Variants in ACSBG1 observed in about 807,000 individuals in gnomAD.
ACSBG1 encodes acyl-CoA synthetase bubblegum family member 1.
Under a neutral mutation model 80.2 loss-of-function variants are expected in ACSBG1, and 39 were observed. That is an observed-to-expected ratio of 0.49 (90% CI 0.38 to 0.64). The LOEUF is 0.64. Ranked by LOEUF, ACSBG1 falls within the 30% of genes least tolerant of loss-of-function variation. The probability of loss-of-function intolerance (pLI) is 0.00; values close to 1 mark genes in which losing one functional copy is unlikely to be tolerated. For missense variants in ACSBG1, 828 were observed against 966.4 expected, an observed-to-expected ratio of 0.86 and a Z score of 1.90; for synonymous variants, 392 against 379.5, an observed-to-expected ratio of 1.03 and a Z score of -0.38.
chr15:78,179,515 T>A (rs769902025), intron 10 of ACSBG1, 35 bp downstream of exon 10: 3 of 1,579,568 alleles, frequency 1.9e-6, no homozygotes, highest in African/African-American at 1.4e-5. Context: ...CAAGGGCGCA[T>A]GGGTGTGCAT....
intron 5 of ACSBG1, among the ~76,000 whole-genome samples, chr15:78,186,870 T>G (rs940424724): frequency 2.6e-5 from 4 of 152,058 alleles, no homozygotes; most frequent in East Asian, 1.9e-4. Flanking sequence ...CTTCAAAAAA[T>G]TAATGAATCC....
At chr15:78,210,931 C>G (rs1462030032) in intron 1 of ACSBG1, among the ~76,000 whole-genome samples, 1 of 152,172 alleles carries the variant, frequency 6.6e-6, no homozygotes, top group Admixed American at 6.5e-5. Flanking sequence ...AGTTTTTAAT[C>G]CTCTCCTCTG....
intron 4 of ACSBG1, 56 bp from the exon 5 acceptor site, chr15:78,193,682 T>TCCCCCCCCC: frequency 1.3e-6 from 2 of 1,560,240 alleles, no homozygotes; most frequent in Non-Finnish European, 1.7e-6. Flanking sequence ...GCCACCCCCT[T>TCCCCCCCCC]CCCCCACCCC....
At chr15:78,184,004 A>G (rs1201248943) in intron 5 of ACSBG1, among the ~76,000 whole-genome samples, 1 of 152,220 alleles carries the variant, frequency 6.6e-6, no homozygotes, top group Non-Finnish European at 1.5e-5. Flanking sequence ...AAGAAAAAAA[A>G]AGAAAGAAAT....
At chr15:78,217,577 T>C (rs1475193187) in intron 1 of ACSBG1, among the ~76,000 whole-genome samples, 1 of 151,740 alleles carries the variant, frequency 6.6e-6, no homozygotes, top group East Asian at 1.9e-4. Context: ...TTTTTTTTTT[T>C]TTTTTTGAGA....
rs773141058 is a variant in ACSBG1 at position 78,211,474 on chromosome 15, CCCTTTTCA to C, written c.132-3380_132-3373del. ...GAGGAAGAAGAGCTTACAAGGTTGG[CCCTTTTCA>C]CTCGTCTTTGAGGACGAGAACAAGG... On this transcript the variant is annotated intron_variant, in intron 1 of 13. Transcript: ENST00000258873. 9.6e-4 allele frequency among the ~76,000 whole-genome samples: 147 copies of C among 152,350 alleles called. 1 individual carries two copies. The highest frequency in any genetic ancestry group is 1.7e-3 in the Non-Finnish European group (117 of 68,026).
chr15:78,215,727 A>AAAGAAAGAAAGAAAGGAAGG (rs1485055185), intron 1 of ACSBG1, among the ~76,000 whole-genome samples: 4 of 53,706 alleles, frequency 7.4e-5, no homozygotes, highest in African/African-American at 1.9e-4. Context: ...AAAGAAAGAG[A>AAAGAAAGAAAGAAAGGAAGG]AAGAAAGAAA....
At chr15:78,187,226 G>A (rs934447611) in intron 5 of ACSBG1, among the ~76,000 whole-genome samples, 1 of 152,162 alleles carries the variant, frequency 6.6e-6, no homozygotes, top group African/African-American at 2.4e-5. Context: ...TGGATTCACA[G>A]CCGAATTCTA....
At chr15:78,192,134 T>A (rs926709702) in intron 5 of ACSBG1, among the ~76,000 whole-genome samples, 1 of 151,910 alleles carries the variant, frequency 6.6e-6, no homozygotes, top group Admixed American at 6.6e-5. Flanking sequence ...GGGTGATGCG[T>A]CTACAAGCCA....
rs74831595 is a variant in ACSBG1, at chr15:78,224,038, G to A, written c.131+10333C>T. 3.1e-3 allele frequency among the ~76,000 whole-genome samples: 467 copies of A among 152,276 alleles called. 3 individuals are homozygous for A. Among genetic ancestry groups the A allele is most frequent in the African/African-American group, 0.01 (427 of 41,550 alleles). On this transcript the variant is annotated intron_variant, in intron 1 of 13. Coordinates refer to ENST00000258873, the MANE Select transcript of ACSBG1 (RefSeq NM_015162.5). ...CCTGACACCTTGACTTTAGCCCACC[G>A]AAACCAATTTTGAACTTCTGTCTTC...
intron 1 of ACSBG1, among the ~76,000 whole-genome samples, chr15:78,211,757 A>G (rs1383298636): frequency 6.6e-6 from 1 of 152,112 alleles, no homozygotes; most frequent in Non-Finnish European, 1.5e-5. Context: ...ACCTTGCCAG[A>G]GGAGCTGATG....
chr15:78,192,706 T>C (rs1251356150), intron 5 of ACSBG1, among the ~76,000 whole-genome samples: 5 of 152,204 alleles, frequency 3.3e-5, no homozygotes, highest in Admixed American at 6.5e-5. Context: ...CTCTGGCTCC[T>C]CTGGGGATCC....
At chr15:78,233,767 C>A (rs1407558914) in intron 1 of ACSBG1, among the ~76,000 whole-genome samples, 1 of 152,228 alleles carries the variant, frequency 6.6e-6, no homozygotes, top group Admixed American at 6.5e-5. Context: ...TGAGTCTCAT[C>A]TTCTCAGGAT....
chr15:78,168,798 G>A lies in ACSBG1; in HGVS notation c.*2646C>T. 1.5e-6 allele frequency: 1 copy of A among 651,244 alleles called. No homozygotes were observed. Among genetic ancestry groups the A allele is most frequent in the Non-Finnish European group, 2.8e-6 (1 of 356,934 alleles). The allele number at this position is 651,244 out of a possible 1,614,324, so 40.3% of individuals were successfully genotyped here. On this transcript the variant is annotated 3_prime_UTR_variant, in exon 14 of 14. Coordinates refer to ENST00000258873, the MANE Select transcript of ACSBG1 (RefSeq NM_015162.5). The stretch of plus-strand genomic sequence containing the variant: ...GGAGTGGTTCCTCACTTTGAAATGA[G>A]GAACTAAATGAAAGAGCAGCCGAGT...
intron 2 of ACSBG1, among the ~76,000 whole-genome samples, chr15:78,200,027 G>A (rs1418821596): frequency 6.6e-6 from 1 of 152,158 alleles, no homozygotes; most frequent in Non-Finnish European, 1.5e-5. Flanking sequence ...ATTAGAAGGA[G>A]GTTTACCGGA....
intron 5 of ACSBG1, among the ~76,000 whole-genome samples, chr15:78,191,344 T>C (rs1361647592): frequency 1.3e-5 from 2 of 152,246 alleles, no homozygotes; most frequent in African/African-American, 4.8e-5. Flanking sequence ...TAGTATTTGA[T>C]AGAGCAAGAA....
In ACSBG1 at chr15:78,174,313, T is replaced by C. The variant is rs2074859244; in HGVS notation, c.1842+72A>G. On this transcript the variant is annotated intron_variant, in intron 12 of 13. Coordinates refer to ENST00000258873, the MANE Select transcript of ACSBG1 (RefSeq NM_015162.5). ...ATCTGGATGTGCCCTGTGCTGAATGTGGCTTCTGCCAGCCAGACCCACAGA... is the reference window on the plus strand; with the variant it reads ...ATCTGGATGTGCCCTGTGCTGAATGCGGCTTCTGCCAGCCAGACCCACAGA... The C allele has an allele frequency of 5.6e-6, 9 of 1,602,892 alleles. No individual in the cohort carries two copies. In the East Asian group the frequency reaches 2.0e-4, roughly 36 times the overall value.
In ACSBG1 at chr15:78,169,339, A is replaced by G. The variant is rs2074790843; in HGVS notation, c.*2105T>C. The G allele has an allele frequency of 5.7e-6, 1 of 174,198 alleles. No homozygotes were observed. 10.8% of individuals were successfully genotyped at this position (174,198 alleles called of 1,614,324 possible). ...TCTCTTCAGCTGTAAATAACAGGAT[A>G]CAGAATTAACAAGAGAAAATGTCTA... On this transcript the variant is annotated 3_prime_UTR_variant, in exon 14 of 14. Coordinates refer to ENST00000258873, the MANE Select transcript of ACSBG1 (RefSeq NM_015162.5).
At chr15:78,186,830 G>T (rs985355154) in intron 5 of ACSBG1, among the ~76,000 whole-genome samples, 1 of 152,120 alleles carries the variant, frequency 6.6e-6, no homozygotes, top group Non-Finnish European at 1.5e-5. Context: ...AATCAAAGCA[G>T]AACTGAATGA....
Sources: allele counts gnomAD v4.1 joint callset (sites outside exome capture counted in the v4.1 genomes callset), GRCh38; gene constraint gnomAD v4.1.1; transcripts MANE v1.5; gene names NCBI Gene and HGNC (gene_info 2026-07-23, HGNC 2026-07-21).